XRCC2: variants seen among roughly 807,000 people sequenced by gnomAD.
XRCC2 encodes the protein X-ray repair cross complementing 2, also known as DNA repair protein XRCC2.
A neutral mutation model predicts 27.3 loss-of-function variants in XRCC2; 24 were observed. The observed-to-expected ratio is 0.88, with a 90% CI of 0.64 to 1.24. The LOEUF (loss-of-function observed/expected upper bound fraction) is 1.24, where lower values mean the gene tolerates loss of function less well. XRCC2 is among the 50% of genes most tolerant of loss of function. XRCC2 has a pLI of 0.00. For synonymous variants in XRCC2, 106 were observed against 115.4 expected, an observed-to-expected ratio of 0.92 and a Z score of 0.52; for missense variants, 321 against 325.8, an observed-to-expected ratio of 0.99 and a Z score of 0.11.
rs1433853429 is a variant in XRCC2, at chr7:152,648,684, T to G, written c.801A>C (p.Lys267Asn). 1 of 1,606,874 alleles carries G rather than the reference T, an allele frequency of 6.2e-7. No individual in the cohort carries two copies. The highest frequency in any genetic ancestry group is 2.2e-5 in the East Asian group (1 of 44,812). ...SRCLKSNSLK[K>N]HFFIIGESGV... ...CACTTTCTCCAATAATAAAAAAATGTTTTTTTAAACTGTTACTTTTTAAAC... is the reference window on the plus strand; with the variant it reads ...CACTTTCTCCAATAATAAAAAAATGGTTTTTTAAACTGTTACTTTTTAAAC... Residue 267 changes from lysine (K) to asparagine (N), a missense_variant, in exon 3 of 3, where the codon AAA becomes AAC. Transcript: ENST00000359321.
intron 2 of XRCC2, among the ~76,000 whole-genome samples, chr7:152,653,388 G>C (rs757010201): frequency 6.6e-6 from 1 of 152,158 alleles, no homozygotes; most frequent in African/African-American, 2.4e-5. Flanking sequence ...AATACAGCAG[G>C]TAAACCTAAT....
intron 2 of XRCC2, among the ~76,000 whole-genome samples, chr7:152,656,241 C>T (rs968859430): frequency 2.6e-5 from 4 of 152,102 alleles, no homozygotes; most frequent in Non-Finnish European, 4.4e-5. Context: ...AAAAAATGTT[C>T]GGATGGGTGC....
intron 1 of XRCC2, among the ~76,000 whole-genome samples, chr7:152,662,346 G>C (rs2098033479): frequency 6.6e-6 from 1 of 151,884 alleles, no homozygotes; most frequent in South Asian, 2.1e-4. Flanking sequence ...TGGAGAGAGG[G>C]CTGGGGTTTG....
At position 152,649,343 on chromosome 7, in the gene XRCC2, C is replaced by T. The variant is rs1590129815; in HGVS notation, c.142G>A (p.Gly48Ser). 1.9e-6 allele frequency: 3 copies of T among 1,590,556 alleles called. No individual in the cohort carries two copies. Among genetic ancestry groups the T allele is most frequent in the Non-Finnish European group, 2.6e-6 (3 of 1,169,272 alleles). Reference sequence around the variant, plus strand: ...TCTGTTTTTCCTGTTCCTTCTGGGCCATGAAATTCAAGAATATCACCTGTG... The same window carrying T: ...TCTGTTTTTCCTGTTCCTTCTGGGCTATGAAATTCAAGAATATCACCTGTG... Reference protein sequence around the residue: ...PVHGDILEFHGPEGTGKTEML... With the variant: ...PVHGDILEFHSPEGTGKTEML... The change falls in exon 3 of 3, where the codon GGC becomes AGC. Residue 48 changes from glycine to serine, a missense_variant. Gly to Ser is a moderately conservative substitution (Grantham distance 56). Coordinates refer to ENST00000359321, the MANE Select transcript of XRCC2 (RefSeq NM_005431.2).
intron 1 of XRCC2, among the ~76,000 whole-genome samples, chr7:152,662,565 A>AT (rs11323323): frequency 0.098 from 6,636 of 67,624 alleles, 985 homozygotes; most frequent in African/African-American, 0.22. Flanking sequence ...TTTTATTTGC[A>AT]TTTTTTTTTT....
chr7:152,663,346 T>TTAAAAAAAAAA (rs1563031328), intron 1 of XRCC2, among the ~76,000 whole-genome samples: 1 of 80,898 alleles, frequency 1.2e-5, no homozygotes, highest in Non-Finnish European at 2.5e-5. Flanking sequence ...GTCTTTGAAG[T>TTAAAAAAAAAA]AAAAAAAAAA....
intron 1 of XRCC2, among the ~76,000 whole-genome samples, chr7:152,662,360 C>T (rs1377172030): frequency 6.6e-6 from 1 of 151,698 alleles, no homozygotes; most frequent in Non-Finnish European, 1.5e-5. Context: ...GGGTTTGTCA[C>T]CCTAGTCTGG....
chr7:152,648,880 G>T lies in XRCC2; in HGVS notation c.605C>A (p.Ala202Asp), dbSNP rs1334975765. The T allele has an allele frequency of 6.2e-7, 1 of 1,614,132 alleles. No individual in the cohort carries two copies. Among genetic ancestry groups the T allele is most frequent in the East Asian group, 2.2e-5 (1 of 44,884 alleles). ...FATTQTIMQK[A>D]SSSSEEPSHA... ...AGAAGGTTCTTCTGATGAGCTCGAG[G>T]CTTTCTGCATTATAGTTTGTGTCGT... Residue 202 changes from alanine to aspartate, a missense_variant, in exon 3 of 3, where the codon GCC (alanine) becomes GAC (aspartate). By Grantham distance (126) the Ala-to-Asp change is moderately radical. Transcript: ENST00000359321.
At chr7:152,649,581 C>T (rs1336487722) in intron 2 of XRCC2, among the ~76,000 whole-genome samples, 2 of 152,162 alleles carry the variant, frequency 1.3e-5, no homozygotes, top group Non-Finnish European at 2.9e-5. Flanking sequence ...CTCCTCCGGC[C>T]AGGCTCACAT....
At chr7:152,668,972 G>C (rs1229022825) in intron 1 of XRCC2, among the ~76,000 whole-genome samples, 1 of 152,104 alleles carries the variant, frequency 6.6e-6, no homozygotes, top group African/African-American at 2.4e-5. Context: ...ATTTAATCAA[G>C]ATCTCTGTGA....
intron 1 of XRCC2, among the ~76,000 whole-genome samples, chr7:152,667,428 A>G (rs7811246): frequency 0.32 from 25,042 of 77,226 alleles, 4,582 homozygotes; most frequent in Non-Finnish European, 0.41. Flanking sequence ...AAAAAAAAAG[A>G]AAAAAAGTAT....
At chr7:152,665,587 C>T (rs1165995001) in intron 1 of XRCC2, among the ~76,000 whole-genome samples, 5 of 141,002 alleles carry the variant, frequency 3.5e-5, no homozygotes, top group African/African-American at 7.8e-5. Flanking sequence ...CTCAAGTGAT[C>T]CTCCCACCTC....
rs117338139 is a variant in XRCC2 at position 152,659,510 on chromosome 7, C to T, written c.121+1191G>A. Reference sequence around the variant, plus strand: ...TAAATGAGCAAAGGATCTGACGTTTCTTCAAAGATATACAATTTGCCAATA... The same window carrying T: ...TAAATGAGCAAAGGATCTGACGTTTTTTCAAAGATATACAATTTGCCAATA... On this transcript the variant is annotated intron_variant, in intron 2 of 2. Transcript: ENST00000359321. Among the ~76,000 whole-genome samples, 1,317 of 152,266 alleles carry T rather than the reference C, an allele frequency of 8.6e-3. 7 individuals carry two copies. Among genetic ancestry groups the T allele is most frequent in the Non-Finnish European group, 0.015 (1,004 of 68,020 alleles).
At position 152,648,755 on chromosome 7, in the gene XRCC2, G is replaced by A. The variant is rs1064795954; in HGVS notation, c.730C>T (p.Gln244Ter). 1 of 1,614,164 alleles carries A rather than the reference G, an allele frequency of 6.2e-7. No individual in the cohort carries two copies. The highest frequency in any genetic ancestry group is 2.2e-5 in the East Asian group (1 of 44,890). Residue 244 changes from glutamine (Q) to a stop codon, truncating the protein, a stop_gained, in exon 3 of 3, where the codon CAA becomes TAA. Coordinates refer to ENST00000359321, the MANE Select transcript of XRCC2 (RefSeq NM_005431.2). LOFTEE classifies it high-confidence loss of function. Reference sequence around the variant, plus strand: ...TGGTTGCTGCTTTGAGAATCATCTTGTTTGGAGAAAAACATCCTGTGCTTC... The same window carrying A: ...TGGTTGCTGCTTTGAGAATCATCTTATTTGGAGAAAAACATCCTGTGCTTC... ...LVKHRMFFSK[Q>*]DDSQSSNQFS... is the part of the protein sequence containing the mutation.
chr7:152,660,447 T>A (rs1563030055), intron 2 of XRCC2, among the ~76,000 whole-genome samples: 1 of 152,182 alleles, frequency 6.6e-6, no homozygotes. Context: ...ATAACAGGAC[T>A]TGCATAAATA....
At chr7:152,666,464 A>G (rs751465866) in intron 1 of XRCC2, among the ~76,000 whole-genome samples, 4 of 152,014 alleles carry the variant, frequency 2.6e-5, no homozygotes, top group Non-Finnish European at 5.9e-5. Flanking sequence ...CTCCCACCTT[A>G]GCCTCCCAAA....
chr7:152,650,715 AC>A (rs1433343758), intron 2 of XRCC2, among the ~76,000 whole-genome samples: 1 of 151,822 alleles, frequency 6.6e-6, no homozygotes, highest in Non-Finnish European at 1.5e-5. Flanking sequence ...ACATACTGAA[AC>A]CCTACTAAAA....
At chr7:152,652,302 C>G (rs3218522) in intron 2 of XRCC2, among the ~76,000 whole-genome samples, 1 of 151,776 alleles carries the variant, frequency 6.6e-6, no homozygotes, top group African/African-American at 2.4e-5. Context: ...TGTGCCCTCT[C>G]TTACTATGTT....
chr7:152,657,756 A>G (rs2098031304), intron 2 of XRCC2, among the ~76,000 whole-genome samples: 1 of 152,218 alleles, frequency 6.6e-6, no homozygotes, highest in Non-Finnish European at 1.5e-5. Context: ...GACTGTTAGA[A>G]ATTATGATCT....
Sources: gnomAD v4.1 joint callset for allele counts (sites outside exome capture counted in the v4.1 genomes callset) on GRCh38, gnomAD v4.1.1 for gene constraint, MANE v1.5 for transcripts, NCBI Gene and HGNC (gene_info 2026-07-23, HGNC 2026-07-21) for gene names.